Variants in GRM1 observed in about 807,000 individuals in gnomAD.
The protein encoded by GRM1 is metabotropic glutamate receptor 1.
GRM1 carries 33 observed loss-of-function variants against 90.9 expected under a neutral mutation model. The observed-to-expected ratio is 0.36, with a 90% CI of 0.28 to 0.49. GRM1 has a LOEUF of 0.49. Among genes scored for constraint, GRM1 ranks in the 20% least tolerant of loss-of-function variants. The pLI, the probability that GRM1 is intolerant of heterozygous loss-of-function variation, is 0.99. For synonymous variants in GRM1, 700 were observed against 613.2 expected (o/e 1.14, Z -2.09); for missense variants, 1,190 against 1,534.3 (o/e 0.78, Z 3.75).
chr6:146,358,668 G>A (rs1775329521), intron 5 of GRM1, among the ~76,000 whole-genome samples: 1 of 152,176 alleles, frequency 6.6e-6, no homozygotes, highest in African/African-American at 2.4e-5. Context: ...GTTCACTGAA[G>A]GGTCCCCAGG....
chr6:146,371,567 A>T (rs1775902794), intron 5 of GRM1, among the ~76,000 whole-genome samples: 1 of 152,012 alleles, frequency 6.6e-6, no homozygotes, highest in Non-Finnish European at 1.5e-5. Flanking sequence ...GGTTTTATCC[A>T]TTCTATTTCT....
intron 7 of GRM1, 116 bp from the exon 8 acceptor site, chr6:146,433,756 C>T (rs1778497393): frequency 2.6e-6 from 2 of 773,844 alleles, no homozygotes; most frequent in Admixed American, 2.0e-5. Flanking sequence ...GAGCAAAGGC[C>T]TACAGCAGAG....
At chr6:146,323,619 T>C (rs557643708) in intron 3 of GRM1, among the ~76,000 whole-genome samples, 6 of 152,136 alleles carry the variant, frequency 3.9e-5, no homozygotes, top group African/African-American at 1.2e-4. Flanking sequence ...GTCAATTTTG[T>C]CTTTTGTTGC....
intron 1 of GRM1, among the ~76,000 whole-genome samples, chr6:146,104,532 G>A (rs1777161333): frequency 6.6e-6 from 1 of 152,166 alleles, no homozygotes; most frequent in African/African-American, 2.4e-5. Flanking sequence ...GAAGACCAAT[G>A]TTTCATATGG....
chr6:146,414,563 T>G (rs963763573), intron 7 of GRM1, among the ~76,000 whole-genome samples: 1 of 151,904 alleles, frequency 6.6e-6, no homozygotes. Flanking sequence ...CCACCACGCC[T>G]GGCTAATTTT....
At chr6:146,349,823 G>A (rs1187981145) in intron 3 of GRM1, among the ~76,000 whole-genome samples, 1 of 152,086 alleles carries the variant, frequency 6.6e-6, no homozygotes, top group Non-Finnish European at 1.5e-5. Context: ...ACATTCTACT[G>A]ACTATTGTTT....
intron 1 of GRM1, among the ~76,000 whole-genome samples, chr6:146,061,779 A>G (rs1414015682): frequency 6.6e-6 from 1 of 151,962 alleles, no homozygotes; most frequent in Non-Finnish European, 1.5e-5. Context: ...TTTTTTTAGA[A>G]ATCGAAAACA....
At position 146,243,468 on chromosome 6, in the gene GRM1, C is replaced by T. The variant is rs146690039; in HGVS notation, c.951-61143C>T. ...CCAGAATTATAGAATAGTCAGAGCA[C>T]CTAAAAATGACGAGAATGGGGGCTT... On this transcript the variant is annotated intron_variant, in intron 2 of 7. Coordinates refer to ENST00000282753, the MANE Select transcript of GRM1 (RefSeq NM_001278064.2). Among the ~76,000 whole-genome samples, 114 of 152,032 alleles carry T rather than the reference C, an allele frequency of 7.5e-4. 2 individuals carry two copies. The East Asian group carries it at 0.019, about 25-fold the overall frequency.
chr6:146,159,629 TCTCTCTCTCTCTCACA>T lies in GRM1; in HGVS notation c.950+34_950+49del, dbSNP rs752981932. The T allele has an allele frequency of 2.6e-5, 40 of 1,516,328 alleles. No homozygotes were observed. In the African/African-American group the frequency reaches 6.0e-4, roughly 23 times the overall value. The allele number at this position is 1,516,328 out of a possible 1,614,324, so 93.9% of individuals were successfully genotyped here. On this transcript the variant is annotated intron_variant, in intron 2 of 7. Transcript: ENST00000282753. ...TTCTCTCTCTCTCTCTCTCTCTCTC[TCTCTCTCTCTCTCACA>T]CACACACATGCACACACACACTTTG...
chr6:146,125,277 A>T (rs559606998), intron 1 of GRM1, among the ~76,000 whole-genome samples: 3,123 of 152,308 alleles, frequency 0.021, 58 homozygotes, highest in Non-Finnish European at 0.028. Context: ...AATTAAACAT[A>T]CACAGGAAAC....
At chr6:146,144,564 A>G (rs1777018438) in intron 1 of GRM1, among the ~76,000 whole-genome samples, 3 of 152,234 alleles carry the variant, frequency 2.0e-5, no homozygotes, top group Admixed American at 2.0e-4. Flanking sequence ...GAAATAAATT[A>G]CATTTCTTTA....
At chr6:146,078,901 C>G (rs911191716) in intron 1 of GRM1, among the ~76,000 whole-genome samples, 1 of 152,140 alleles carries the variant, frequency 6.6e-6, no homozygotes, top group African/African-American at 2.4e-5. Flanking sequence ...GTCACACCAC[C>G]AGGAAAGATG....
intron 7 of GRM1, among the ~76,000 whole-genome samples, chr6:146,409,074 G>T (rs996743099): frequency 7.9e-5 from 12 of 152,024 alleles, no homozygotes; most frequent in Non-Finnish European, 1.6e-4. Context: ...AAATGGGGTG[G>T]GGTATTTAAT....
At chr6:146,135,822 C>A (rs1458985943) in intron 1 of GRM1, among the ~76,000 whole-genome samples, 1 of 152,066 alleles carries the variant, frequency 6.6e-6, no homozygotes, top group African/African-American at 2.4e-5. Flanking sequence ...TTAAAATGTG[C>A]AATTAAATTA....
At chr6:146,382,461 G>A (rs1343866779) in intron 5 of GRM1, among the ~76,000 whole-genome samples, 1 of 151,944 alleles carries the variant, frequency 6.6e-6, no homozygotes, top group African/African-American at 2.4e-5. Context: ...ATAAAATAAT[G>A]CTTTGAAAGA....
At chr6:146,078,152 G>A (rs1261332752) in intron 1 of GRM1, among the ~76,000 whole-genome samples, 1 of 152,182 alleles carries the variant, frequency 6.6e-6, no homozygotes, top group Admixed American at 6.6e-5. Context: ...ATTGTCAGCA[G>A]AATTTTCATA....
At chr6:146,263,501 A>C (rs1382957928) in intron 2 of GRM1, among the ~76,000 whole-genome samples, 1 of 151,996 alleles carries the variant, frequency 6.6e-6, no homozygotes, top group South Asian at 2.1e-4. Flanking sequence ...TGTATGTTCA[A>C]AAAATTATAA....
chr6:146,395,498 AC>A (rs1430451348), intron 6 of GRM1, among the ~76,000 whole-genome samples: 2 of 152,108 alleles, frequency 1.3e-5, no homozygotes, highest in African/African-American at 4.8e-5. Flanking sequence ...CCACTGGGTT[AC>A]TTTAATCTTC....
In GRM1 at chr6:146,435,254, G is replaced by A. The variant is rs1778561767; in HGVS notation, c.*458G>A. The A allele has an allele frequency of 6.6e-6, 2 of 304,844 alleles. No individual in the cohort carries two copies. The highest frequency in any genetic ancestry group is 2.2e-5 in the African/African-American group (1 of 45,654). 18.9% of individuals were successfully genotyped at this position (304,844 alleles called of 1,614,324 possible). A position where few individuals can be genotyped will look rare whatever the true frequency, so the allele number is the denominator to read the frequency against. ...TGATGGCATTCGGAGTGAGCTGGTGGAGCCAGACAGAGCAGGTGCGGGGAA... is the reference window on the plus strand; with the variant it reads ...TGATGGCATTCGGAGTGAGCTGGTGAAGCCAGACAGAGCAGGTGCGGGGAA... On this transcript the variant is annotated 3_prime_UTR_variant, in exon 8 of 8. Transcript: ENST00000282753.
Sources: allele counts gnomAD v4.1 joint callset (sites outside exome capture counted in the v4.1 genomes callset), GRCh38; gene constraint gnomAD v4.1.1; transcripts MANE v1.5; gene names NCBI Gene and HGNC (gene_info 2026-07-23, HGNC 2026-07-21).